The following MAPKAP1 variants were observed in gnomAD, a reference collection of about 807,000 sequenced individuals.
MAPKAP1 encodes the protein MAPK associated protein 1, also known as target of rapamycin complex 2 subunit MAPKAP1.
A neutral mutation model predicts 65.7 loss-of-function variants in MAPKAP1; 20 were observed. The ratio of observed to expected loss-of-function variants is 0.30; its 90% CI spans 0.21 to 0.44. The LOEUF (loss-of-function observed/expected upper bound fraction) is 0.44. Ranked by LOEUF, MAPKAP1 falls within the 20% of genes least tolerant of loss-of-function variation. The pLI, the probability that MAPKAP1 is intolerant of heterozygous loss-of-function variation, is 1.00. For synonymous variants in MAPKAP1, 222 were observed against 244.3 expected (o/e 0.91, Z 0.85); for missense variants, 423 against 648.0 (o/e 0.65, Z 3.77).
At chr9:125,585,275 C>T (rs1831745417) in intron 5 of MAPKAP1, among the ~76,000 whole-genome samples, 1 of 152,242 alleles carries the variant, frequency 6.6e-6, no homozygotes, top group South Asian at 2.1e-4. Context: ...TCAATCCCCT[C>T]CCGTTCCCTT....
At chr9:125,446,736 C>T (rs1038741347) in intron 10 of MAPKAP1, among the ~76,000 whole-genome samples, 3 of 152,102 alleles carry the variant, frequency 2.0e-5, no homozygotes, top group Admixed American at 6.5e-5. Context: ...CCCACAGACC[C>T]GAAGCTTCGG....
chr9:125,688,631 T>C (rs1261855828), intron 1 of MAPKAP1, among the ~76,000 whole-genome samples: 2 of 151,998 alleles, frequency 1.3e-5, no homozygotes, highest in Non-Finnish European at 2.9e-5. Context: ...GAGGCAGAGA[T>C]GGGCGGATTG....
At chr9:125,614,593 C>A (rs1181828574) in intron 4 of MAPKAP1, among the ~76,000 whole-genome samples, 1 of 152,008 alleles carries the variant, frequency 6.6e-6, no homozygotes, top group African/African-American at 2.4e-5. Context: ...CCATTGCACT[C>A]CAGCTTTGAG....
chr9:125,614,535 G>A (rs1293149737), intron 4 of MAPKAP1, among the ~76,000 whole-genome samples: 1 of 152,146 alleles, frequency 6.6e-6, no homozygotes, highest in Non-Finnish European at 1.5e-5. Context: ...AGGGCAGGGA[G>A]AATCACTTGA....
intron 10 of MAPKAP1, among the ~76,000 whole-genome samples, chr9:125,457,347 G>A (rs917355596): frequency 1.3e-5 from 2 of 152,062 alleles, no homozygotes; most frequent in African/African-American, 4.8e-5. Context: ...TTTTCATTTG[G>A]TTCTTCTTAA....
rs979874967 is a variant in MAPKAP1 at position 125,474,222 on chromosome 9, C to T, written c.1208-6113G>A. On this transcript the variant is annotated intron_variant, in intron 9 of 11. Transcript: ENST00000265960. The stretch of plus-strand genomic sequence containing the variant: ...CTCTACATCCCAGTCTTGGGAGCAC[C>T]AGGATCCAGTTTGGGAGACAATGCC... Among the ~76,000 whole-genome samples the T allele has an allele frequency of 2.0e-5, 3 of 152,262 alleles. No individual in the cohort carries two copies. The South Asian group carries it at 6.2e-4, about 32-fold the overall frequency.
At chr9:125,617,907 T>C (rs1012379656) in intron 4 of MAPKAP1, among the ~76,000 whole-genome samples, 1 of 152,240 alleles carries the variant, frequency 6.6e-6, no homozygotes, top group African/African-American at 2.4e-5. Flanking sequence ...GAGTGACTAT[T>C]ATACAACTGT....
intron 5 of MAPKAP1, among the ~76,000 whole-genome samples, chr9:125,578,953 G>C (rs953493829): frequency 2.0e-5 from 3 of 152,124 alleles, no homozygotes; most frequent in Non-Finnish European, 4.4e-5. Context: ...AAAAATTATA[G>C]CATAGTAAGC....
At chr9:125,623,857 C>T (rs1589355134) in intron 4 of MAPKAP1, among the ~76,000 whole-genome samples, 1 of 13,240 alleles carries the variant, frequency 7.6e-5, no homozygotes, top group East Asian at 0.012. Flanking sequence ...AGGTGAGGGG[C>T]GCCTCTGCCC....
intron 4 of MAPKAP1, among the ~76,000 whole-genome samples, chr9:125,647,368 T>C (rs1056129312): frequency 1.3e-5 from 2 of 151,768 alleles, no homozygotes; most frequent in African/African-American, 2.4e-5. Flanking sequence ...CACATTTCTA[T>C]GTGGAGAGTA....
rs149142420 is a variant in MAPKAP1, at chr9:125,591,023, C to A, written c.499-5296G>T. ...TCCTGACCTCAAGTGATCCGCCCAC[C>A]TCGGCCTCCCAAAATGCTGGGATTA... On this transcript the variant is annotated intron_variant, in intron 4 of 11. Coordinates refer to ENST00000265960, the MANE Select transcript of MAPKAP1 (RefSeq NM_001006617.3). Among the ~76,000 whole-genome samples, 700 of 152,302 alleles carry A rather than the reference C, an allele frequency of 4.6e-3. 6 individuals carry two copies. Among genetic ancestry groups the A allele is most frequent in the African/African-American group, 0.016 (672 of 41,546 alleles).
intron 1 of MAPKAP1, among the ~76,000 whole-genome samples, chr9:125,703,203 A>G (rs1835655426): frequency 6.6e-6 from 1 of 152,118 alleles, no homozygotes; most frequent in Non-Finnish European, 1.5e-5. Context: ...GGCCCAGCCT[A>G]CTCATCCTAG....
At chr9:125,507,361 T>C (rs1829171597) in intron 7 of MAPKAP1, among the ~76,000 whole-genome samples, 1 of 152,218 alleles carries the variant, frequency 6.6e-6, no homozygotes, top group Non-Finnish European at 1.5e-5. Flanking sequence ...ATTTTGACTC[T>C]GAAAGGCGTG....
At chr9:125,597,308 A>T (rs1360710306) in intron 4 of MAPKAP1, among the ~76,000 whole-genome samples, 1 of 142,896 alleles carries the variant, frequency 7.0e-6, no homozygotes, top group Non-Finnish European at 1.5e-5. Flanking sequence ...GCCTGGTGGC[A>T]CATGTCTGTA....
chr9:125,596,479 A>C, intron 4 of MAPKAP1: 1 of 749,680 alleles, frequency 1.3e-6, no homozygotes, highest in Non-Finnish European at 2.4e-6. Context: ...TCAGTCTTCA[A>C]ATTTTGAACC....
rs71374268 is a variant in MAPKAP1, at chr9:125,451,808, G to GTTTT, written c.1346-7214_1346-7211dup. 3.1e-4 allele frequency among the ~76,000 whole-genome samples: 37 copies of GTTTT among 117,836 alleles called. 2 individuals are homozygous for GTTTT. The highest frequency in any genetic ancestry group is 5.6e-4 in the South Asian group (2 of 3,566). The allele number at this position is 117,836 out of a possible 152,430, so 77.3% of individuals were successfully genotyped here. ...CAGATTCAAACATCTACTCACAGGA[G>GTTTT]TTTTTTTTTTTTTTTTTTTGAGGCA... On this transcript the variant is annotated intron_variant, in intron 10 of 11. Coordinates refer to ENST00000265960, the MANE Select transcript of MAPKAP1 (RefSeq NM_001006617.3).
chr9:125,625,684 A>G (rs1295836226), intron 4 of MAPKAP1, among the ~76,000 whole-genome samples: 2 of 152,184 alleles, frequency 1.3e-5, no homozygotes, highest in Non-Finnish European at 2.9e-5. Context: ...AATGCCAGTT[A>G]CTTGGGAGAC....
At chr9:125,649,495 A>G (rs766535387) in intron 4 of MAPKAP1, among the ~76,000 whole-genome samples, 3 of 152,208 alleles carry the variant, frequency 2.0e-5, no homozygotes, top group Non-Finnish European at 4.4e-5. Context: ...ATCTGAGTGC[A>G]CATCCCTGTC....
At chr9:125,444,422 G>T in intron 11 of MAPKAP1, 79 bp downstream of exon 11, 1 of 1,119,452 alleles carries the variant, frequency 8.9e-7, no homozygotes, top group Non-Finnish European at 1.3e-6. Flanking sequence ...GAGTGGGTGG[G>T]GCTGCGGCCA....
Sources: allele counts gnomAD v4.1 joint callset (sites outside exome capture counted in the v4.1 genomes callset), GRCh38; gene constraint gnomAD v4.1.1; transcripts MANE v1.5; gene names NCBI Gene and HGNC (gene_info 2026-07-23, HGNC 2026-07-21).